RALYL: variants seen among roughly 807,000 people sequenced by gnomAD.
RALYL encodes RALY RNA binding protein like, also known as RNA-binding Raly-like protein.
A neutral mutation model predicts 35.1 loss-of-function variants in RALYL; 29 were observed. That is an observed-to-expected ratio of 0.83 (90% confidence interval 0.61 to 1.13). The LOEUF is 1.13. Among genes scored for constraint, RALYL ranks in the 50% most tolerant of loss-of-function variants. The pLI is 0.00. For missense variants in RALYL, 359 were observed against 360.4 expected (o/e 1.00, Z 0.03); for synonymous variants, 120 against 127.6 (o/e 0.94, Z 0.40).
intron 1 of RALYL, among the ~76,000 whole-genome samples, chr8:84,260,920 TA>T (rs1182793837): frequency 1.3e-5 from 2 of 152,224 alleles, no homozygotes; most frequent in Non-Finnish European, 2.9e-5. Context: ...ACTATTTATG[TA>T]GCAATTTTTG....
At chr8:84,529,605 C>T (rs368378484) in intron 2 of RALYL, 28 bp downstream of exon 2, 72 of 1,587,400 alleles carry the variant, frequency 4.5e-5, no homozygotes, top group South Asian at 9.0e-5. Context: ...ATGGATCTCA[C>T]GTTATTGTTC....
intron 2 of RALYL, among the ~76,000 whole-genome samples, chr8:84,664,451 T>G (rs2131704639): frequency 6.6e-6 from 1 of 152,204 alleles, no homozygotes; most frequent in South Asian, 2.1e-4. Context: ...ATATTGATTC[T>G]TCCTATCCAT....
At chr8:84,638,554 A>G (rs956602336) in intron 2 of RALYL, among the ~76,000 whole-genome samples, 2 of 151,846 alleles carry the variant, frequency 1.3e-5, no homozygotes, top group Non-Finnish European at 2.9e-5. Flanking sequence ...AAATTGATAG[A>G]CCATTAACAA....
intron 1 of RALYL, among the ~76,000 whole-genome samples, chr8:84,413,243 G>C (rs2044276858): frequency 6.6e-6 from 1 of 151,046 alleles, no homozygotes; most frequent in South Asian, 2.1e-4. Context: ...TAAAGATCTA[G>C]GAACTTTTTA....
At chr8:84,840,772 G>A (rs1482838519) in intron 4 of RALYL, among the ~76,000 whole-genome samples, 1 of 152,166 alleles carries the variant, frequency 6.6e-6, no homozygotes, top group Non-Finnish European at 1.5e-5. Flanking sequence ...TGATCTCTCG[G>A]CAGAAACTCT....
chr8:84,284,809 T>A (rs2132129861), intron 1 of RALYL, among the ~76,000 whole-genome samples: 1 of 152,342 alleles, frequency 6.6e-6, no homozygotes, highest in Non-Finnish European at 1.5e-5. Context: ...TCTTTCTAAC[T>A]AGTATTTTTT....
At chr8:84,377,205 A>G (rs73298731) in intron 1 of RALYL, among the ~76,000 whole-genome samples, 5,124 of 151,860 alleles carry the variant, frequency 0.034, 284 homozygotes, top group African/African-American at 0.12. Flanking sequence ...AGTTTATTGA[A>G]GGTCTGGAGT....
At chr8:84,311,228 A>T (rs1842762463) in intron 1 of RALYL, among the ~76,000 whole-genome samples, 1 of 151,716 alleles carries the variant, frequency 6.6e-6, no homozygotes, top group South Asian at 2.1e-4. Context: ...GTCCCATTGA[A>T]TTCAGAATTA....
At chr8:84,322,956 A>G (rs1187373108) in intron 1 of RALYL, among the ~76,000 whole-genome samples, 2 of 152,148 alleles carry the variant, frequency 1.3e-5, no homozygotes, top group African/African-American at 4.8e-5. Context: ...AATAGAAGTC[A>G]CAAGTATATA....
At chr8:84,859,273 T>C (rs1837644966) in intron 5 of RALYL, among the ~76,000 whole-genome samples, 1 of 152,088 alleles carries the variant, frequency 6.6e-6, no homozygotes, top group South Asian at 2.1e-4. Flanking sequence ...TCATCGGCCA[T>C]GCAGAAAAAG....
chr8:84,360,882 G>T (rs1296087907), intron 1 of RALYL, among the ~76,000 whole-genome samples: 1 of 151,552 alleles, frequency 6.6e-6, no homozygotes, highest in East Asian at 1.9e-4. Context: ...CAGGGAGTCA[G>T]GTTTCCAGAC....
At chr8:84,311,053 C>CAAAAA (rs34029529) in intron 1 of RALYL, among the ~76,000 whole-genome samples, 277 of 9,526 alleles carry the variant, frequency 0.029, 64 homozygotes, top group South Asian at 0.04. Flanking sequence ...GACTCCGTCT[C>CAAAAA]AAAAAAAAAA....
intron 1 of RALYL, among the ~76,000 whole-genome samples, chr8:84,311,325 G>A (rs1842776584): frequency 6.6e-6 from 1 of 151,812 alleles, no homozygotes; most frequent in African/African-American, 2.4e-5. Flanking sequence ...AATTGAGAAT[G>A]TTTTCCAGGC....
intron 3 of RALYL, among the ~76,000 whole-genome samples, chr8:84,783,663 A>G (rs546578842): frequency 3.3e-5 from 5 of 152,292 alleles, no homozygotes; most frequent in African/African-American, 1.2e-4. Flanking sequence ...CAGGTCCTTG[A>G]GAAAGACATT....
intron 2 of RALYL, among the ~76,000 whole-genome samples, chr8:84,671,797 G>C (rs1833305777): frequency 6.6e-6 from 1 of 152,164 alleles, no homozygotes; most frequent in African/African-American, 2.4e-5. Context: ...TGATGGGAGG[G>C]GCTGCTGGAA....
intron 1 of RALYL, among the ~76,000 whole-genome samples, chr8:84,476,925 A>T (rs1040038143): frequency 7.2e-5 from 11 of 152,192 alleles, no homozygotes; most frequent in Admixed American, 3.9e-4. Flanking sequence ...AGACTCTGTT[A>T]TATCAGATTT....
intron 1 of RALYL, among the ~76,000 whole-genome samples, chr8:84,213,388 T>G (rs888185669): frequency 3.9e-5 from 6 of 152,082 alleles, no homozygotes; most frequent in Non-Finnish European, 8.8e-5. Flanking sequence ...AGAGCAAGAC[T>G]CCATCTCAAC....
intron 2 of RALYL, among the ~76,000 whole-genome samples, chr8:84,616,860 A>T (rs1819840233): frequency 6.6e-6 from 1 of 151,620 alleles, no homozygotes; most frequent in African/African-American, 2.4e-5. Context: ...TCCTTTCCCC[A>T]TTGCTTGTTT....
chr8:84,623,797 A>T lies in RALYL; in HGVS notation c.256+94220A>T, dbSNP rs1056664380. Among the ~76,000 whole-genome samples, 3 of 152,258 alleles carry T rather than the reference A, an allele frequency of 2.0e-5. No homozygotes were observed. The South Asian group carries it at 6.2e-4, about 32-fold the overall frequency. ...TGGGAAAAAAAGAGTGAGAGGAAAA[A>T]AAATTTAAAATATCCTTGAGCAAAT... On this transcript the variant is annotated intron_variant, in intron 2 of 8. Coordinates refer to ENST00000521268, the MANE Select transcript of RALYL (RefSeq NM_173848.7).
Sources: allele counts gnomAD v4.1 joint callset (sites outside exome capture counted in the v4.1 genomes callset), GRCh38; gene constraint gnomAD v4.1.1; transcripts MANE v1.5; gene names NCBI Gene and HGNC (gene_info 2026-07-23, HGNC 2026-07-21).